The following AFAP1L2 variants were observed in gnomAD, a reference collection of about 807,000 sequenced individuals.
AFAP1L2 encodes the protein actin filament-associated protein 1-like 2.
A neutral mutation model predicts 99.3 loss-of-function variants in AFAP1L2; 46 were observed. That is an observed-to-expected ratio of 0.46 (90% CI 0.37 to 0.59). AFAP1L2 has a LOEUF of 0.59. AFAP1L2 is among the 20% of genes least tolerant of loss of function. AFAP1L2 has a pLI of 0.00. For synonymous variants in AFAP1L2, 397 were observed against 419.1 expected, an observed-to-expected ratio of 0.95 and a Z score of 0.64; for missense variants, 959 against 1,034.9, an observed-to-expected ratio of 0.93 and a Z score of 1.01.
the AFAP1L2 span, among the ~76,000 whole-genome samples, chr10:114,283,563 G>A: frequency 6.6e-6 from 1 of 152,222 alleles, no homozygotes; most frequent in African/African-American, 2.4e-5. Flanking sequence ...GGAAACTAGA[G>A]TGAAATGGCT....
At chr10:114,286,517 G>A in the AFAP1L2 span, 6 of 1,555,312 alleles carry the variant, frequency 3.9e-6, no homozygotes, top group Non-Finnish European at 5.2e-6. Context: ...GCCAGGTAAG[G>A]TCCCAGTGCC....
intron 4 of AFAP1L2, among the ~76,000 whole-genome samples, chr10:114,331,468 A>AT (rs2047218865): frequency 6.6e-6 from 1 of 151,880 alleles, no homozygotes; most frequent in Non-Finnish European, 1.5e-5. Context: ...GCTAGTGCAA[A>AT]TTTTTTAAAG....
rs1286351059 is a variant in AFAP1L2 at position 114,295,542 on chromosome 10, G to T, written c.*500C>A. ...GCTGTTTAAAATCACTGAAGACTGA[G>T]TTGGGCCTGGTAATATTGGAGAGAA... On this transcript the variant is annotated 3_prime_UTR_variant, in exon 19 of 19. Transcript: ENST00000304129. 8 of 985,804 alleles carry T rather than the reference G, an allele frequency of 8.1e-6. No homozygotes were observed. Among genetic ancestry groups the T allele is most frequent in the Non-Finnish European group, 8.4e-6 (7 of 830,308 alleles). The allele number at this position is 985,804 out of a possible 1,614,324, so 61.1% of individuals were successfully genotyped here.
At chr10:114,398,806 G>A (rs1171592222) in intron 1 of AFAP1L2, 2 of 1,302,834 alleles carry the variant, frequency 1.5e-6, no homozygotes, top group Non-Finnish European at 2.0e-6. Flanking sequence ...GAGCCCTGGA[G>A]GCCAGGTGAG....
At chr10:114,318,793 G>A (rs2044602233) in intron 5 of AFAP1L2, among the ~76,000 whole-genome samples, 4 of 141,264 alleles carry the variant, frequency 2.8e-5, no homozygotes, top group Non-Finnish European at 6.1e-5. Context: ...TATCTTGGAG[G>A]AAATTTAGAG....
At chr10:114,305,272 C>T in intron 10 of AFAP1L2, 1 of 168,036 alleles carries the variant, frequency 6.0e-6, no homozygotes. Flanking sequence ...TGTGGGAGGG[C>T]ACGCGGATGC....
At chr10:114,296,418 G>A (rs1417773062) in intron 18 of AFAP1L2, 1 of 293,902 alleles carries the variant, frequency 3.4e-6, no homozygotes, top group Non-Finnish European at 6.4e-6. Flanking sequence ...CAAAAGCAAA[G>A]GCAGCCCTAG....
intron 16 of AFAP1L2, among the ~76,000 whole-genome samples, chr10:114,298,979 C>T (rs2040687599): frequency 2.0e-5 from 3 of 152,216 alleles, no homozygotes; most frequent in African/African-American, 7.2e-5. Context: ...TAAAACACGG[C>T]CTATGCATAA....
chr10:114,356,173 G>A (rs2051348146), intron 1 of AFAP1L2, among the ~76,000 whole-genome samples: 1 of 152,118 alleles, frequency 6.6e-6, no homozygotes, highest in Non-Finnish European at 1.5e-5. Flanking sequence ...GTGTATTTTG[G>A]AACAGTAACA....
chr10:114,371,293 T>C (rs1023740117), intron 1 of AFAP1L2, among the ~76,000 whole-genome samples: 1 of 152,026 alleles, frequency 6.6e-6, no homozygotes, highest in Non-Finnish European at 1.5e-5. Flanking sequence ...GAGAAGGTGA[T>C]GGAAAGGAGA....
chr10:114,321,606 T>C (rs1177223112), intron 5 of AFAP1L2, among the ~76,000 whole-genome samples: 4 of 152,182 alleles, frequency 2.6e-5, no homozygotes, highest in African/African-American at 9.7e-5. Flanking sequence ...CCAGGGGCCC[T>C]AGCCTTTTAT....
chr10:114,331,620 C>G (rs1471050797), intron 4 of AFAP1L2, among the ~76,000 whole-genome samples, 183 bp downstream of exon 4: 2 of 151,998 alleles, frequency 1.3e-5, no homozygotes, highest in African/African-American at 4.8e-5. Context: ...TACTGTGGCC[C>G]CAAGCAAATC....
intron 2 of AFAP1L2, among the ~76,000 whole-genome samples, chr10:114,339,252 A>G (rs1300435054): frequency 6.6e-6 from 1 of 152,072 alleles, no homozygotes; most frequent in African/African-American, 2.4e-5. Flanking sequence ...AGGTCAGGAG[A>G]TCAAGACCAC....
intron 2 of AFAP1L2, among the ~76,000 whole-genome samples, chr10:114,336,814 G>A (rs1291311557): frequency 2.6e-5 from 4 of 152,142 alleles, no homozygotes; most frequent in Admixed American, 2.6e-4. Context: ...CTTAGTCTAT[G>A]CCTGGACCTC....
At chr10:114,374,263 C>T (rs2054518029) in intron 1 of AFAP1L2, among the ~76,000 whole-genome samples, 1 of 152,170 alleles carries the variant, frequency 6.6e-6, no homozygotes, top group Admixed American at 6.5e-5. Context: ...TGCACATTAT[C>T]ATTGGATTTT....
In AFAP1L2 at chr10:114,323,259, A is replaced by C. The variant is rs143120438; in HGVS notation, c.318T>G (p.Ile106Met). ...GGATGGCAAGCTGTTTCCGTTCTGG[A>C]ATCTGTGGTATGAACAAATAAGACA... ...SLPDLPPPKM[I>M]PERKQLAIPK... The change falls in exon 5 of 19, where the codon ATT (isoleucine) becomes ATG (methionine). Residue 106 changes from isoleucine (I) to methionine (M), a missense_variant and splice_region_variant. Ile to Met is a conservative substitution (Grantham distance 10). Around this residue, in one of 2 missense-constraint regions of AFAP1L2, gnomAD observed 383 missense variants for 472.8 expected, o/e 0.81. Coordinates refer to ENST00000304129, the MANE Select transcript of AFAP1L2 (RefSeq NM_001001936.3). The C allele has an allele frequency of 4.4e-6, 7 of 1,591,278 alleles. No individual in the cohort carries two copies. The highest frequency in any genetic ancestry group is 5.1e-6 in the Non-Finnish European group (6 of 1,167,332).
intron 7 of AFAP1L2, 105 bp downstream of exon 7, chr10:114,313,766 G>A: frequency 8.2e-7 from 1 of 1,214,046 alleles, no homozygotes; most frequent in Non-Finnish European, 1.1e-6. Flanking sequence ...CTGCAAACTT[G>A]AAGGATCACA....
At chr10:114,281,615 G>T in the AFAP1L2 span, 1 of 422,502 alleles carries the variant, frequency 2.4e-6, no homozygotes, top group Non-Finnish European at 3.2e-6. Context: ...AAGTCATTGA[G>T]TCCAGTGGCT....
chr10:114,325,141 G>A (rs1033406133), intron 4 of AFAP1L2, among the ~76,000 whole-genome samples: 2 of 152,198 alleles, frequency 1.3e-5, no homozygotes, highest in South Asian at 4.1e-4. Flanking sequence ...TTAACCTTGG[G>A]TATGTGACAG....
Sources: allele counts gnomAD v4.1 joint callset (sites outside exome capture counted in the v4.1 genomes callset), GRCh38; gene constraint gnomAD v4.1.1; regional missense constraint gnomAD v4.1.1; transcripts MANE v1.5; gene names NCBI Gene and HGNC (gene_info 2026-07-23, HGNC 2026-07-21).